Variants in ANO1 observed in about 807,000 individuals in gnomAD.
ANO1 encodes the protein anoctamin-1.
ANO1 carries 59 observed loss-of-function variants against 124.0 expected under a neutral mutation model. That is an observed-to-expected ratio of 0.48 (90% CI 0.39 to 0.59). ANO1 has a LOEUF of 0.59. Ranked by LOEUF, ANO1 falls within the 20% of genes least tolerant of loss-of-function variation. The pLI is 0.00. For missense variants in ANO1, 1,059 were observed against 1,328.0 expected (o/e 0.80, Z 3.15); for synonymous variants, 529 against 532.0 (o/e 0.99, Z 0.08).
chr11:70,107,496 GGC>G lies in ANO1; in HGVS notation c.748-855_748-854del, dbSNP rs2045601926. 7.0e-5 allele frequency among the ~76,000 whole-genome samples: 6 copies of G among 86,298 alleles called. 1 individual carries two copies. The highest frequency in any genetic ancestry group is 3.0e-4 in the Admixed American group (3 of 10,144). The allele number at this position is 86,298 out of a possible 152,430, so 56.6% of individuals were successfully genotyped here. A position where few individuals can be genotyped will look rare whatever the true frequency, so the allele number is the denominator to read the frequency against. On this transcript the variant is annotated intron_variant, in intron 5 of 25. Coordinates refer to ENST00000355303, the MANE Select transcript of ANO1 (RefSeq NM_018043.7). ...CAGGTGGGTCCAGTGGAGGCGGCGG[GGC>G]GGGGAAGCGGTCAGATGGCCTGGGC...
At chr11:70,035,666 T>C (rs761693164) in intron 1 of ANO1, among the ~76,000 whole-genome samples, 35 of 152,086 alleles carry the variant, frequency 2.3e-4, no homozygotes, top group Non-Finnish European at 4.4e-4. Flanking sequence ...TAGGTATTTG[T>C]CCTAATGCTC....
chr11:70,018,548 C>A (rs1276505142), intron 1 of ANO1, among the ~76,000 whole-genome samples: 1 of 152,116 alleles, frequency 6.6e-6, no homozygotes, highest in South Asian at 2.1e-4. Flanking sequence ...CTGTGCCTGA[C>A]AGTGTTTGGG....
intron 1 of ANO1, among the ~76,000 whole-genome samples, chr11:70,049,100 T>C (rs1591056586): frequency 6.6e-6 from 1 of 152,146 alleles, no homozygotes; most frequent in Non-Finnish European, 1.5e-5. Context: ...GAGCTGGCTG[T>C]GACATCTCCT....
the ANO1 span, among the ~76,000 whole-genome samples, chr11:69,972,610 C>T: frequency 1.3e-5 from 2 of 152,218 alleles, no homozygotes; most frequent in Non-Finnish European, 2.9e-5. Flanking sequence ...AGTGCTTTCA[C>T]TGTATTTTGA....
chr11:69,976,030 G>A, the ANO1 span, among the ~76,000 whole-genome samples: 21,531 of 152,148 alleles, frequency 0.14, 1,751 homozygotes, highest in Admixed American at 0.2. Context: ...TCCCCACCAT[G>A]CTCTGGGCCT....
chr11:70,178,860 A>C (rs2048829478), intron 22 of ANO1, among the ~76,000 whole-genome samples: 2 of 152,224 alleles, frequency 1.3e-5, no homozygotes, highest in African/African-American at 4.8e-5. Flanking sequence ...CACCACACCC[A>C]GCCCGCAGTG....
chr11:70,144,371 G>A (rs568665732), intron 11 of ANO1, among the ~76,000 whole-genome samples: 15 of 152,058 alleles, frequency 9.9e-5, no homozygotes, highest in African/African-American at 2.9e-4. Context: ...CCTGAGCACC[G>A]CTTGTGGATG....
At chr11:70,044,174 T>C (rs982230199) in intron 1 of ANO1, among the ~76,000 whole-genome samples, 1 of 151,458 alleles carries the variant, frequency 6.6e-6, no homozygotes, top group South Asian at 2.1e-4. Context: ...GACCACTAAA[T>C]AAAAGTAAAA....
chr11:70,075,256 C>T (rs949969199), upstream of ANO1: 11 of 152,126 alleles, frequency 7.2e-5, no homozygotes, highest in Non-Finnish European at 1.3e-4. Context: ...GAAAAGGGCT[C>T]CCCTGTGCTG....
chr11:69,978,384 C>G, the ANO1 span, among the ~76,000 whole-genome samples: 3 of 152,082 alleles, frequency 2.0e-5, no homozygotes, highest in South Asian at 4.1e-4. Flanking sequence ...GGCCTCACTC[C>G]CGGTAGTGCA....
intron 22 of ANO1, among the ~76,000 whole-genome samples, chr11:70,177,817 T>C (rs1483108328): frequency 6.6e-6 from 1 of 152,138 alleles, no homozygotes; most frequent in African/African-American, 2.4e-5. Flanking sequence ...CAGGCTGATC[T>C]CGAACTCCCG....
At chr11:70,108,287 A>G (rs1590752408) in intron 5 of ANO1, 66 bp from the exon 6 acceptor site, 1 of 1,518,806 alleles carries the variant, frequency 6.6e-7, no homozygotes, top group Non-Finnish European at 9.1e-7. Context: ...CAGCCACAGC[A>G]GACTGTTTCT....
intron 1 of ANO1, among the ~76,000 whole-genome samples, chr11:70,018,948 C>G (rs951673652): frequency 6.6e-6 from 1 of 152,192 alleles, no homozygotes; most frequent in Non-Finnish European, 1.5e-5. Context: ...TCCTCCCAGC[C>G]GTTCACACAC....
At chr11:69,978,417 C>A in the ANO1 span, among the ~76,000 whole-genome samples, 2 of 152,206 alleles carry the variant, frequency 1.3e-5, no homozygotes, top group Non-Finnish European at 2.9e-5. Context: ...GTGGCACGAT[C>A]TTGGCTCACT....
At chr11:70,049,687 TG>T (rs1857319984) in intron 1 of ANO1, among the ~76,000 whole-genome samples, 4 of 127,460 alleles carry the variant, frequency 3.1e-5, no homozygotes, top group African/African-American at 1.3e-4. Flanking sequence ...ATGCGGTCTA[TG>T]TTTTTTTGTT....
chr11:70,165,656 C>T (rs1022735133), intron 20 of ANO1, 86 bp downstream of exon 20: 7 of 1,097,182 alleles, frequency 6.4e-6, no homozygotes, highest in African/African-American at 4.7e-5. Context: ...TCTGGGTGGA[C>T]GCGGGGCCTC....
chr11:70,106,416 C>T (rs955894316), intron 5 of ANO1, among the ~76,000 whole-genome samples: 2 of 152,206 alleles, frequency 1.3e-5, no homozygotes, highest in African/African-American at 4.8e-5. Context: ...CTATTCCCTG[C>T]CCAGAAAGCC....
intron 22 of ANO1, among the ~76,000 whole-genome samples, chr11:70,178,777 T>C (rs575964408): frequency 5.4e-4 from 82 of 152,372 alleles, no homozygotes; most frequent in Admixed American, 4.9e-3. Flanking sequence ...TTGGCGAGGC[T>C]GCTCTCGAAC....
At chr11:70,186,449 A>G (rs148397536) in intron 25 of ANO1, among the ~76,000 whole-genome samples, 12 of 152,156 alleles carry the variant, frequency 7.9e-5, no homozygotes, top group Middle Eastern at 6.8e-3. Context: ...TTCTCACACC[A>G]TGTCTGTGGT....
Sources: allele counts gnomAD v4.1 joint callset (sites outside exome capture counted in the v4.1 genomes callset), GRCh38; gene constraint gnomAD v4.1.1; transcripts MANE v1.5; gene names NCBI Gene and HGNC (gene_info 2026-07-23, HGNC 2026-07-21).